The following FARP2 variants were observed in gnomAD, a reference collection of about 807,000 sequenced individuals.
FARP2 encodes FERM, ARHGEF and pleckstrin domain-containing protein 2.
A neutral mutation model predicts 130.5 loss-of-function variants in FARP2; 111 were observed. The observed-to-expected ratio is 0.85, with a 90% CI of 0.73 to 1.00. The LOEUF is 1.00. Ranked by LOEUF, FARP2 falls within the 50% of genes least tolerant of loss-of-function variation. The pLI is 0.00. For synonymous variants in FARP2, 504 were observed against 516.9 expected (o/e 0.98, Z 0.34); for missense variants, 1,385 against 1,346.3 (o/e 1.03, Z -0.45).
rs933955407 is a variant in FARP2 at position 241,466,158 on chromosome 2, C to A, written c.1894-1982C>A. The A allele has an allele frequency of 5.6e-6, 6 of 1,065,838 alleles. No homozygotes were observed. The African/African-American group carries it at 9.9e-5, about 18-fold the overall frequency. The allele number at this position is 1,065,838 out of a possible 1,614,324, so 66.0% of individuals were successfully genotyped here. A position where few individuals can be genotyped will look rare whatever the true frequency, so the allele number is the denominator to read the frequency against. ...AAATCTGGGTGTCAGAGGCCAAGAC[C>A]CCAGGTTGGGATCAGGGACCACCCC... On this transcript the variant is annotated intron_variant, in intron 17 of 26. Transcript: ENST00000264042.
intron 17 of FARP2, chr2:241,465,775 C>T: frequency 1.3e-6 from 2 of 1,550,496 alleles, no homozygotes; most frequent in East Asian, 2.4e-5. Flanking sequence ...TCCCCCTCCT[C>T]CATCCCTCGC....
intron 18 of FARP2, chr2:241,471,402 G>A (rs1425958568): frequency 6.6e-6 from 1 of 151,798 alleles, no homozygotes; most frequent in South Asian, 2.1e-4. Context: ...GCTGTTCTAA[G>A]GGGACCCTGT....
In FARP2 at chr2:241,474,801, T is replaced by TAATTAATA. The variant is rs1553733956; in HGVS notation, c.2132-1053_2132-1052insTAATAAAT. 9.3e-5 allele frequency among the ~76,000 whole-genome samples: 13 copies of TAATTAATA among 140,326 alleles called. No individual in the cohort carries two copies. In the East Asian group the frequency reaches 2.1e-3, roughly 23 times the overall value. 92.1% of individuals were successfully genotyped at this position (140,326 alleles called of 152,430 possible). On this transcript the variant is annotated intron_variant, in intron 18 of 26. Coordinates refer to ENST00000264042, the MANE Select transcript of FARP2 (RefSeq NM_014808.4). ...AGTGAGACCCTGTCTCTAATAATAA[T>TAATTAATA]AATAAATAAATAAATAAATAAATAA...
intron 26 of FARP2, 133 bp downstream of exon 26, chr2:241,493,577 C>T (rs1004169846): frequency 5.3e-6 from 4 of 759,416 alleles, no homozygotes; most frequent in Non-Finnish European, 8.6e-6. Context: ...TCCAGCATTT[C>T]CAAAAAACAG....
chr2:241,448,230 C>T (rs903345357), intron 13 of FARP2, among the ~76,000 whole-genome samples: 6 of 152,318 alleles, frequency 3.9e-5, no homozygotes, highest in African/African-American at 1.4e-4. Context: ...CCATCACCCT[C>T]CTGGTCCTGG....
intron 8 of FARP2, among the ~76,000 whole-genome samples, chr2:241,431,419 G>A (rs2063086673): frequency 3.8e-4 from 1 of 2,628 alleles, no homozygotes; most frequent in Non-Finnish European, 1.0e-3. Flanking sequence ...AGGCTGCAGT[G>A]AGCGGAGATT....
At chr2:241,463,637 C>T (rs1012579690) in intron 16 of FARP2, 169 bp downstream of exon 16, 1 of 763,176 alleles carries the variant, frequency 1.3e-6, no homozygotes, top group Admixed American at 2.9e-5. Flanking sequence ...CCTTTATTCA[C>T]CCTCTTCCAG....
intron 2 of FARP2, among the ~76,000 whole-genome samples, chr2:241,375,216 GC>G (rs919308001): frequency 1.3e-5 from 2 of 152,144 alleles, no homozygotes; most frequent in African/African-American, 4.8e-5. Flanking sequence ...CTCCCAAAGT[GC>G]TGGAATTACA....
intron 2 of FARP2, among the ~76,000 whole-genome samples, chr2:241,401,082 A>G (rs2062154861): frequency 6.6e-6 from 1 of 152,210 alleles, no homozygotes; most frequent in Non-Finnish European, 1.5e-5. Flanking sequence ...TGTATGTACA[A>G]TGTCAGGTCA....
chr2:241,423,894 A>T (rs1009505835), intron 8 of FARP2, among the ~76,000 whole-genome samples: 1 of 152,254 alleles, frequency 6.6e-6, no homozygotes, highest in Non-Finnish European at 1.5e-5. Context: ...AAAGGGTTCA[A>T]CAAGAAGAGC....
At chr2:241,371,849 A>C (rs1161083097) in intron 1 of FARP2, among the ~76,000 whole-genome samples, 1 of 152,176 alleles carries the variant, frequency 6.6e-6, no homozygotes, top group Non-Finnish European at 1.5e-5. Flanking sequence ...TAGATTATTA[A>C]TAAATATTAA....
chr2:241,476,144 G>A (rs978507090), intron 19 of FARP2, among the ~76,000 whole-genome samples, 157 bp downstream of exon 19: 5 of 150,020 alleles, frequency 3.3e-5, no homozygotes, highest in African/African-American at 1.2e-4. Context: ...AGGCTGAGGT[G>A]GGAGGATCGC....
intron 1 of FARP2, among the ~76,000 whole-genome samples, chr2:241,371,773 G>T (rs979298618): frequency 6.6e-6 from 1 of 151,926 alleles, no homozygotes; most frequent in Admixed American, 6.6e-5. Flanking sequence ...ATGTTTTATT[G>T]TATTAAATAT....
chr2:241,449,954 C>T (rs1025698979), intron 13 of FARP2, among the ~76,000 whole-genome samples: 1 of 151,132 alleles, frequency 6.6e-6, no homozygotes, highest in Non-Finnish European at 1.5e-5. Flanking sequence ...TTGGAGTGAG[C>T]TGAGATCGCT....
intron 2 of FARP2, among the ~76,000 whole-genome samples, chr2:241,403,459 C>T (rs944859488): frequency 4.6e-5 from 7 of 152,154 alleles, no homozygotes; most frequent in African/African-American, 1.7e-4. Context: ...AGCAATCCAC[C>T]CACCTCAGCC....
In FARP2 at chr2:241,441,274, T is replaced by A. The variant is rs1261185598; in HGVS notation, c.1159-30T>A. On this transcript the variant is annotated intron_variant, in intron 12 of 26. Transcript: ENST00000264042. ...AGTGGTAATTTGTAATTTTATATCC[T>A]TTTTTTCTTTTCTTAACTTTGGTTC... 12 of 1,536,468 alleles carry A rather than the reference T, an allele frequency of 7.8e-6. No individual in the cohort carries two copies. In the South Asian group the frequency reaches 1.5e-4, roughly 19 times the overall value.
intron 2 of FARP2, among the ~76,000 whole-genome samples, chr2:241,399,592 G>C (rs1029466445): frequency 2.6e-5 from 4 of 152,208 alleles, no homozygotes; most frequent in Non-Finnish European, 4.4e-5. Context: ...TTACAGGCAT[G>C]AGCCACCACA....
chr2:241,465,000 C>G (rs73006377), intron 17 of FARP2, among the ~76,000 whole-genome samples: 2,311 of 152,304 alleles, frequency 0.015, 24 homozygotes, highest in Non-Finnish European at 0.023. Context: ...AACAGGGTCC[C>G]CCAGAACATG....
intron 6 of FARP2, among the ~76,000 whole-genome samples, chr2:241,411,970 G>A (rs2150362794): frequency 6.6e-6 from 1 of 152,280 alleles, no homozygotes; most frequent in East Asian, 1.9e-4. Context: ...AGACTTCTCA[G>A]GTAGACACAT....
Sources: gnomAD v4.1 joint callset for allele counts (sites outside exome capture counted in the v4.1 genomes callset) on GRCh38, gnomAD v4.1.1 for gene constraint, MANE v1.5 for transcripts, NCBI Gene and HGNC (gene_info 2026-07-23, HGNC 2026-07-21) for gene names.